Variants in RUFY3 observed in about 807,000 individuals in gnomAD.
The protein encoded by RUFY3 is protein RUFY3.
A neutral mutation model predicts 84.0 loss-of-function variants in RUFY3; 34 were observed. That is an observed-to-expected ratio of 0.40 (90% CI 0.31 to 0.54). The LOEUF (loss-of-function observed/expected upper bound fraction) is 0.54. RUFY3 is among the 20% of genes least tolerant of loss of function. The probability of loss-of-function intolerance (pLI) is 0.39; values close to 1 mark genes in which losing one functional copy is unlikely to be tolerated. For synonymous variants in RUFY3, 242 were observed against 252.9 expected (o/e 0.96, Z 0.41); for missense variants, 507 against 736.8 (o/e 0.69, Z 3.61).
At chr4:70,705,044 G>T in exon 1 of RUFY3, 1 of 1,232,338 alleles carries the variant, frequency 8.1e-7, no homozygotes, top group Non-Finnish European at 1.0e-6. Context: ...CTCCCGCCGG[G>T]GGCACGGACC....
chr4:70,765,738 A>G (rs576289138), intron 4 of RUFY3, among the ~76,000 whole-genome samples: 1 of 150,186 alleles, frequency 6.7e-6, no homozygotes, highest in Non-Finnish European at 1.5e-5. Context: ...TTTTTGTGCT[A>G]TTTTGTCATT....
chr4:70,802,960 C>T lies in RUFY3; in HGVS notation c.1627C>T (p.Gln543Ter), dbSNP rs1732416618. 1.2e-6 allele frequency: 2 copies of T among 1,605,634 alleles called. No individual in the cohort carries two copies. The highest frequency in any genetic ancestry group is 1.7e-5 in the Admixed American group (1 of 58,508). ...KKPLEESHRL[Q>*]PHPMDEQDQL... is the part of the protein sequence containing the mutation. ...TTTTTTACTTCTCCATTGTAGGCTGCAACCCCACCCTATGGATGAACAGGT... is the reference window on the plus strand; with the variant it reads ...TTTTTTACTTCTCCATTGTAGGCTGTAACCCCACCCTATGGATGAACAGGT... Residue 543 changes from glutamine (Q) to a stop codon, truncating the protein, a stop_gained, in exon 16 of 18, where the codon CAA becomes TAA. Transcript: ENST00000381006. LOFTEE classifies it high-confidence loss of function.
intron 1 of RUFY3, among the ~76,000 whole-genome samples, chr4:70,760,445 G>A (rs1207233215): frequency 1.3e-5 from 2 of 150,780 alleles, no homozygotes; most frequent in African/African-American, 4.9e-5. Context: ...TCAAAGTTAT[G>A]GGCAGGCAGT....
intron 5 of RUFY3, among the ~76,000 whole-genome samples, chr4:70,773,256 A>AT (rs2148736821): frequency 6.6e-6 from 1 of 152,328 alleles, no homozygotes; most frequent in Admixed American, 6.5e-5. Context: ...TTTAGACCTT[A>AT]TTTATATTAA....
At chr4:70,706,189 A>G (rs1740320021) in intron 1 of RUFY3, among the ~76,000 whole-genome samples, 1 of 152,198 alleles carries the variant, frequency 6.6e-6, no homozygotes, top group Non-Finnish European at 1.5e-5. Context: ...AATGTGGCTG[A>G]CGATACAAGG....
intron 1 of RUFY3, among the ~76,000 whole-genome samples, chr4:70,750,970 CTATT>C: frequency 6.6e-6 from 1 of 152,110 alleles, no homozygotes; most frequent in Middle Eastern, 3.4e-3. Flanking sequence ...CATATTTTGT[CTATT>C]GGTTGGTGGA....
At chr4:70,747,045 A>T (rs1722345529) in intron 1 of RUFY3, among the ~76,000 whole-genome samples, 1 of 152,254 alleles carries the variant, frequency 6.6e-6, no homozygotes, top group South Asian at 2.1e-4. Context: ...TACCCTTGGG[A>T]GAACTAGGTT....
intron 12 of RUFY3, among the ~76,000 whole-genome samples, chr4:70,790,653 A>G (rs900990564): frequency 7.2e-5 from 11 of 152,148 alleles, no homozygotes; most frequent in African/African-American, 2.2e-4. Context: ...CTCACTGTCT[A>G]CTGTACCTTT....
chr4:70,767,262 T>C (rs1726126136), intron 4 of RUFY3, among the ~76,000 whole-genome samples: 1 of 118,964 alleles, frequency 8.4e-6, no homozygotes, highest in South Asian at 3.2e-4. Context: ...ATTTTGTATT[T>C]TTTTTTTTTT....
chr4:70,796,794 A>T lies in RUFY3; in HGVS notation c.1557+1900A>T, dbSNP rs903891910. Among the ~76,000 whole-genome samples, 101 of 152,072 alleles carry T rather than the reference A, an allele frequency of 6.6e-4. 1 individual carries two copies. The highest frequency in any genetic ancestry group is 1.3e-4 in the Non-Finnish European group (9 of 68,004). Reference sequence around the variant, plus strand: ...GCCCACTTCTTTGGGGACAATCCTAAAGCATTGTCCCCAAAAGCTTTTTGT... The same window carrying T: ...GCCCACTTCTTTGGGGACAATCCTATAGCATTGTCCCCAAAAGCTTTTTGT... On this transcript the variant is annotated intron_variant, in intron 14 of 17. Transcript: ENST00000381006.
chr4:70,752,976 G>A (rs1723376360), intron 1 of RUFY3, among the ~76,000 whole-genome samples: 1 of 152,170 alleles, frequency 6.6e-6, no homozygotes, highest in African/African-American at 2.4e-5. Flanking sequence ...AAGGATTGGT[G>A]TCAATTCCTT....
chr4:70,724,467 T>G (rs1577951800), intron 1 of RUFY3, among the ~76,000 whole-genome samples: 1 of 152,216 alleles, frequency 6.6e-6, no homozygotes, highest in African/African-American at 2.4e-5. Context: ...GTGAGCTGTT[T>G]GGTTCATGTA....
chr4:70,728,112 G>A (rs1006209204), intron 1 of RUFY3, among the ~76,000 whole-genome samples: 2 of 152,264 alleles, frequency 1.3e-5, no homozygotes, highest in Admixed American at 1.3e-4. Context: ...ATCCTAAGTT[G>A]AAAATACCAT....
At chr4:70,724,674 C>T (rs1198280219) in intron 1 of RUFY3, among the ~76,000 whole-genome samples, 1 of 152,100 alleles carries the variant, frequency 6.6e-6, no homozygotes, top group African/African-American at 2.4e-5. Flanking sequence ...GAAATGCCGA[C>T]AGTGCATTTT....
intron 12 of RUFY3, chr4:70,791,927 A>G: frequency 1.0e-6 from 1 of 985,178 alleles, no homozygotes; most frequent in Non-Finnish European, 1.2e-6. Context: ...AAAGAAAAGA[A>G]AAAGCAGCAT....
intron 10 of RUFY3, among the ~76,000 whole-genome samples, chr4:70,787,264 T>G (rs1730054293): frequency 6.9e-6 from 1 of 144,564 alleles, no homozygotes; most frequent in South Asian, 2.2e-4. Context: ...TTATTTGTTT[T>G]TTTTTTTTTT....
chr4:70,744,926 A>C (rs1278432644), intron 1 of RUFY3, among the ~76,000 whole-genome samples: 1 of 151,370 alleles, frequency 6.6e-6, no homozygotes, highest in Non-Finnish European at 1.5e-5. Flanking sequence ...AAGTGCTGGG[A>C]TTACAGACAT....
chr4:70,776,355 T>A (rs986244540), intron 7 of RUFY3, among the ~76,000 whole-genome samples: 8 of 152,294 alleles, frequency 5.3e-5, no homozygotes, highest in Non-Finnish European at 1.0e-4. Flanking sequence ...TCATTGAACT[T>A]CTTCTTCCTA....
In RUFY3 at chr4:70,764,923, C is replaced by T. The variant is rs572134452; in HGVS notation, c.572+347C>T. On this transcript the variant is annotated intron_variant, in intron 4 of 17. Transcript: ENST00000381006. ...AAAATTGGACGGGTGCAGTGGTTCA[C>T]GCCTGTAATCCCAGCATTTCGGGAG... Among the ~76,000 whole-genome samples, 10 of 152,198 alleles carry T rather than the reference C, an allele frequency of 6.6e-5. No individual in the cohort carries two copies. In the East Asian group the frequency reaches 9.7e-4, roughly 15 times the overall value.
Sources: allele counts gnomAD v4.1 joint callset (sites outside exome capture counted in the v4.1 genomes callset), GRCh38; gene constraint gnomAD v4.1.1; transcripts MANE v1.5; gene names NCBI Gene and HGNC (gene_info 2026-07-23, HGNC 2026-07-21).